The following PTPN14 variants were observed in gnomAD, a reference collection of about 807,000 sequenced individuals.
PTPN14 encodes the protein tyrosine-protein phosphatase non-receptor type 14.
Under a neutral mutation model 126.8 loss-of-function variants are expected in PTPN14, and 53 were observed. The observed-to-expected ratio is 0.42, with a 90% CI of 0.34 to 0.53. PTPN14 has a LOEUF of 0.53. Ranked by LOEUF, PTPN14 falls within the 20% of genes least tolerant of loss-of-function variation. The pLI is 0.08. For missense variants in PTPN14, 1,257 were observed against 1,552.9 expected (o/e 0.81, Z 3.20); for synonymous variants, 630 against 599.3 (o/e 1.05, Z -0.75).
In PTPN14 at chr1:214,384,125, G is replaced by C. The variant is rs1180120264; in HGVS notation, c.1730C>G (p.Thr577Ser). ...PPPYPRPRPA[T>S]STPDLASHRH... ...GTGGCTGGCCAGGTCTGGGGTGCTG[G>C]TGGCAGGTCGTGGCCGTGGGTAGGG... The change falls in exon 13 of 19, where the codon ACC becomes AGC. Residue 577 changes from threonine to serine, a missense_variant. Thr to Ser is a moderately conservative substitution (Grantham distance 58). Coordinates refer to ENST00000366956, the MANE Select transcript of PTPN14 (RefSeq NM_005401.5). This position sits in a 1 kb window ranked among gnomAD's most constrained non-coding sequence, Gnocchi z 5.3. 1.3e-6 allele frequency: 2 copies of C among 1,573,432 alleles called. No individual in the cohort carries two copies. Among genetic ancestry groups the C allele is most frequent in the East Asian group, 4.5e-5 (2 of 44,558 alleles).
At chr1:214,456,384 A>G (rs1450403564) in intron 2 of PTPN14, among the ~76,000 whole-genome samples, 1 of 152,234 alleles carries the variant, frequency 6.6e-6, no homozygotes, top group East Asian at 1.9e-4. Context: ...TCAAAAGATG[A>G]CTATAAGCAG....
At chr1:214,386,716 A>G in intron 12 of PTPN14, 128 bp downstream of exon 12, 2 of 986,930 alleles carry the variant, frequency 2.0e-6, no homozygotes, top group Non-Finnish European at 3.0e-6. Flanking sequence ...GCTGTTAGCT[A>G]CTGTCATTCA....
At position 214,464,722 on chromosome 1, in the gene PTPN14, G is replaced by A. The variant is rs541522296; in HGVS notation, c.82C>T (p.Leu28=). 6 of 1,614,170 alleles carry A rather than the reference G, an allele frequency of 3.7e-6. No individual in the cohort carries two copies. Among genetic ancestry groups the A allele is most frequent in the Non-Finnish European group, 5.1e-6 (6 of 1,180,064 alleles). Residue 28 remains leucine (L), a synonymous_variant, in exon 2 of 19, where the codon CTG becomes TTG. Transcript: ENST00000366956. ...KNCFVTRIRL[L]DSNVIECTLS... ...GTGCACTCGATAACATTGCTGTCCAGCAGGCGAATCCGTGTGACAAAGCAG... is the reference window on the plus strand; with the variant it reads ...GTGCACTCGATAACATTGCTGTCCAACAGGCGAATCCGTGTGACAAAGCAG...
At chr1:214,378,157 A>G in intron 13 of PTPN14, 55 bp from the exon 14 acceptor site, 1 of 1,535,964 alleles carries the variant, frequency 6.5e-7, no homozygotes, top group South Asian at 1.2e-5. Context: ...AGAATGTTGG[A>G]ATGTGTTTTA....
intron 11 of PTPN14, 29 bp downstream of exon 11, chr1:214,390,959 C>G: frequency 6.9e-7 from 1 of 1,449,472 alleles, no homozygotes; most frequent in Non-Finnish European, 9.4e-7. Context: ...ACAGTCAGAT[C>G]ACTTGATCAC....
chr1:214,540,197 G>A (rs1173683883), intron 1 of PTPN14, among the ~76,000 whole-genome samples: 1 of 152,108 alleles, frequency 6.6e-6, no homozygotes, highest in African/African-American at 2.4e-5. Context: ...AACACACAGG[G>A]AGTCTAAAAG....
In PTPN14 at chr1:214,520,065, A is replaced by AAAT; in HGVS notation, c.-155+31117_-155+31118insATT. ...CCTGTCTCAAAAAAAAAAAAAAAAA[A>AAAT]ATATATATATATATATATGCAGAAT... On this transcript the variant is annotated intron_variant, in intron 1 of 18. Transcript: ENST00000366956. Among the ~76,000 whole-genome samples the AAAT allele has an allele frequency of 6.2e-3, 438 of 71,094 alleles. 9 individuals are homozygous for AAAT. Among genetic ancestry groups the AAAT allele is most frequent in the African/African-American group, 0.029 (399 of 13,694 alleles). The allele number at this position is 71,094 out of a possible 152,430, so 46.6% of individuals were successfully genotyped here. A position where few individuals can be genotyped will look rare whatever the true frequency, so the allele number is the denominator to read the frequency against.
chr1:214,441,663 C>T (rs1259529869), intron 3 of PTPN14, among the ~76,000 whole-genome samples: 1 of 152,120 alleles, frequency 6.6e-6, no homozygotes, highest in Non-Finnish European at 1.5e-5. Context: ...CTTGAGAATC[C>T]TTTATGGGAA....
intron 3 of PTPN14, among the ~76,000 whole-genome samples, chr1:214,419,819 C>T (rs1411257135): frequency 6.6e-6 from 1 of 152,082 alleles, no homozygotes; most frequent in Non-Finnish European, 1.5e-5. Flanking sequence ...TCCATTCCAG[C>T]GGGTGTTCAC....
At position 214,548,166 on chromosome 1, in the gene PTPN14, G is replaced by A. The variant is rs144291509; in HGVS notation, c.-155+3017C>T. On this transcript the variant is annotated intron_variant, in intron 1 of 18. Transcript: ENST00000366956. ...GATGAAGAAACTGAGGCTCAGAAGG[G>A]CTATGACGTCCATCCAACATCACAC... Among the ~76,000 whole-genome samples the A allele has an allele frequency of 3.8e-3, 578 of 152,240 alleles. 3 individuals carry two copies. Among genetic ancestry groups the A allele is most frequent in the African/African-American group, 0.013 (539 of 41,512 alleles).
At chr1:214,533,782 A>G (rs1477945702) in intron 1 of PTPN14, among the ~76,000 whole-genome samples, 2 of 150,786 alleles carry the variant, frequency 1.3e-5, no homozygotes, top group East Asian at 2.0e-4. Flanking sequence ...GCTTGCAGTG[A>G]GCCGAGATTG....
intron 1 of PTPN14, among the ~76,000 whole-genome samples, chr1:214,520,065 A>AAAAAAAAAAAAAATAT: frequency 1.4e-5 from 1 of 71,108 alleles, no homozygotes; most frequent in Non-Finnish European, 2.4e-5. Flanking sequence ...AAAAAAAAAA[A>AAAAAAAAAAAAAATAT]ATATATATAT....
intron 2 of PTPN14, 92 bp from the exon 3 acceptor site, chr1:214,452,066 C>G (rs1444272900): frequency 3.6e-6 from 5 of 1,392,694 alleles, no homozygotes; most frequent in Non-Finnish European, 4.9e-6. Flanking sequence ...CTGCATCCCA[C>G]CCTGGGTTCC....
At chr1:214,530,337 CT>C (rs1219471589) in intron 1 of PTPN14, 3,213 of 129,012 alleles carry the variant, frequency 0.025, 56 homozygotes, top group African/African-American at 0.089. Context: ...CTTTTCTTTT[CT>C]TTTTTTTTTT....
intron 5 of PTPN14, among the ~76,000 whole-genome samples, chr1:214,407,951 C>T (rs1421195246): frequency 6.6e-6 from 1 of 152,152 alleles, no homozygotes; most frequent in Non-Finnish European, 1.5e-5. Context: ...ACAGTCAAAC[C>T]AGCCAGTGGA....
At chr1:214,544,175 C>T (rs1021312124) in intron 1 of PTPN14, among the ~76,000 whole-genome samples, 8 of 152,178 alleles carry the variant, frequency 5.3e-5, no homozygotes, top group African/African-American at 7.2e-5. Context: ...CCTGGAATCC[C>T]AATACTTTGG....
At chr1:214,519,228 C>T (rs1655182730) in intron 1 of PTPN14, among the ~76,000 whole-genome samples, 2 of 152,132 alleles carry the variant, frequency 1.3e-5, no homozygotes, top group South Asian at 2.1e-4. Context: ...GAGATCATGA[C>T]ACCGCACTCC....
rs555328513 is a variant in PTPN14, at chr1:214,491,034, G to A, written c.-154-26077C>T. Among the ~76,000 whole-genome samples the A allele has an allele frequency of 1.0e-3, 152 of 145,914 alleles. 1 individual carries two copies. The highest frequency in any genetic ancestry group is 5.3e-3 in the South Asian group (24 of 4,532). On this transcript the variant is annotated intron_variant, in intron 1 of 18. Transcript: ENST00000366956. ...GGAAGAAAGGAAGAAAGGAAGGAAG[G>A]AAGAAAGAAAGAAAGAAAGAAAAAC... is the stretch of plus-strand genomic sequence containing the variant.
chr1:214,386,894 G>T lies in PTPN14; in HGVS notation c.1016C>A (p.Pro339His). 1.9e-6 allele frequency: 3 copies of T among 1,608,840 alleles called. No homozygotes were observed. The highest frequency in any genetic ancestry group is 2.6e-6 in the Non-Finnish European group (3 of 1,175,488). The part of the protein sequence containing the change: ...LPRQQPYILP[P>H]VHVQCGEHYS... ...GTGCTCACCACACTGGACGTGAACG[G>T]GAGGCAGGATGTACGGCTGCTGCCT... The change falls in exon 12 of 19, where the codon CCC (proline) becomes CAC (histidine). Residue 339 changes from proline to histidine, a missense_variant. Around this residue, in one of 3 missense-constraint regions of PTPN14, gnomAD observed 1,021 missense variants for 1,183.3 expected, o/e 0.86. Transcript: ENST00000366956.
Sources: allele counts gnomAD v4.1 joint callset (sites outside exome capture counted in the v4.1 genomes callset), GRCh38; gene constraint gnomAD v4.1.1; regional missense constraint gnomAD v4.1.1; non-coding constraint Gnocchi (gnomAD v3.1); transcripts MANE v1.5; gene names NCBI Gene and HGNC (gene_info 2026-07-23, HGNC 2026-07-21).